Variants in DSCAML1 observed in about 807,000 individuals in gnomAD.
DSCAML1 encodes DS cell adhesion molecule like 1.
A neutral mutation model predicts 200.5 loss-of-function variants in DSCAML1; 38 were observed. That is an observed-to-expected ratio of 0.19 (90% CI 0.15 to 0.25). DSCAML1 has a LOEUF of 0.25. Ranked by LOEUF, DSCAML1 falls within the 10% of genes least tolerant of loss-of-function variation. The pLI is 1.00. For synonymous variants in DSCAML1, 1,215 were observed against 1,165.0 expected (o/e 1.04, Z -0.87); for missense variants, 2,223 against 2,858.8 (o/e 0.78, Z 5.07).
At chr11:117,512,782 CACACACACACACACACA>C (rs1415671853) in intron 8 of DSCAML1, among the ~76,000 whole-genome samples, 2 of 149,272 alleles carry the variant, frequency 1.3e-5, no homozygotes, top group Non-Finnish European at 3.0e-5. Flanking sequence ...CACACACACA[CACACACACACACACACA>C]CACCCCTCCC....
At chr11:117,629,316 C>CA (rs2052121963) in intron 3 of DSCAML1, among the ~76,000 whole-genome samples, 1 of 152,072 alleles carries the variant, frequency 6.6e-6, no homozygotes, top group Admixed American at 6.5e-5. Flanking sequence ...GTGCTGAGAC[C>CA]TGAGTGTCCG....
intron 3 of DSCAML1, among the ~76,000 whole-genome samples, chr11:117,618,365 T>A (rs2051854897): frequency 6.6e-6 from 1 of 152,216 alleles, no homozygotes; most frequent in Non-Finnish European, 1.5e-5. Flanking sequence ...GAGCTTAAAT[T>A]TATTTCCCTG....
chr11:117,551,857 G>A (rs890145477), intron 3 of DSCAML1, among the ~76,000 whole-genome samples: 3 of 152,074 alleles, frequency 2.0e-5, no homozygotes, highest in Non-Finnish European at 4.4e-5. Context: ...TAATATCACC[G>A]AGGTGGTCCA....
At chr11:117,446,225 G>A (rs959539618) in intron 20 of DSCAML1, among the ~76,000 whole-genome samples, 6 of 152,190 alleles carry the variant, frequency 3.9e-5, no homozygotes, top group African/African-American at 9.7e-5. Flanking sequence ...TTAGCCAGGC[G>A]TGGTGGCGCA....
intron 21 of DSCAML1, among the ~76,000 whole-genome samples, chr11:117,441,149 C>T (rs865848236): frequency 5.3e-5 from 8 of 151,652 alleles, no homozygotes; most frequent in African/African-American, 1.5e-4. Flanking sequence ...GGGAAGAGAG[C>T]GGGGAGGGAA....
chr11:117,620,463 A>G (rs2051905782), intron 3 of DSCAML1, among the ~76,000 whole-genome samples: 1 of 152,076 alleles, frequency 6.6e-6, no homozygotes, highest in Non-Finnish European at 1.5e-5. Context: ...CAGCCAACCA[A>G]CTGCTCCACT....
intron 3 of DSCAML1, among the ~76,000 whole-genome samples, chr11:117,653,127 G>C (rs963755742): frequency 3.3e-5 from 5 of 152,066 alleles, no homozygotes; most frequent in African/African-American, 1.2e-4. Flanking sequence ...TGGCTTTGCC[G>C]AGTAGTTTTG....
chr11:117,623,441 C>T (rs2051980265), intron 3 of DSCAML1, among the ~76,000 whole-genome samples: 1 of 152,110 alleles, frequency 6.6e-6, no homozygotes, highest in African/African-American at 2.4e-5. Flanking sequence ...GTCTCGAACT[C>T]CTGACCTTAA....
At chr11:117,579,135 C>T (rs1325952840) in intron 3 of DSCAML1, among the ~76,000 whole-genome samples, 1 of 152,206 alleles carries the variant, frequency 6.6e-6, no homozygotes, top group Non-Finnish European at 1.5e-5. Context: ...ACATCTCCCT[C>T]CTCCCCCACC....
intron 2 of DSCAML1, among the ~76,000 whole-genome samples, chr11:117,778,026 C>T (rs1351180799): frequency 6.6e-6 from 1 of 152,236 alleles, no homozygotes; most frequent in East Asian, 1.9e-4. Flanking sequence ...ACACTTAGGG[C>T]CCTGGCAGCC....
At chr11:117,695,372 G>A (rs1320704752) in intron 3 of DSCAML1, among the ~76,000 whole-genome samples, 1 of 145,258 alleles carries the variant, frequency 6.9e-6, no homozygotes, top group Admixed American at 7.0e-5. Flanking sequence ...AATGAAAAAG[G>A]TGGCCATGAG....
At chr11:117,581,537 A>G (rs1441346334) in intron 3 of DSCAML1, among the ~76,000 whole-genome samples, 1 of 152,156 alleles carries the variant, frequency 6.6e-6, no homozygotes, top group Non-Finnish European at 1.5e-5. Context: ...CACTATATTT[A>G]TGAAATGATA....
intron 3 of DSCAML1, among the ~76,000 whole-genome samples, chr11:117,770,491 C>T (rs899529171): frequency 1.3e-5 from 2 of 152,042 alleles, no homozygotes; most frequent in Non-Finnish European, 2.9e-5. Context: ...GTAATGCCAC[C>T]GATTTGCCAC....
intron 3 of DSCAML1, among the ~76,000 whole-genome samples, chr11:117,760,085 A>C (rs1365417115): frequency 1.3e-5 from 2 of 152,032 alleles, no homozygotes; most frequent in South Asian, 4.2e-4. Flanking sequence ...CCGCACTCCC[A>C]TTCCCCCAGC....
chr11:117,658,146 C>T (rs1239174192), intron 3 of DSCAML1, among the ~76,000 whole-genome samples: 2 of 152,152 alleles, frequency 1.3e-5, no homozygotes, highest in Admixed American at 1.3e-4. Context: ...TTTACAAGCA[C>T]AGGACGGAAT....
chr11:117,585,866 C>A (rs1157371002), intron 3 of DSCAML1, among the ~76,000 whole-genome samples: 4 of 152,186 alleles, frequency 2.6e-5, no homozygotes, highest in Non-Finnish European at 4.4e-5. Context: ...TGAATCGCAC[C>A]TTTCCATGCT....
intron 3 of DSCAML1, among the ~76,000 whole-genome samples, chr11:117,657,989 C>A (rs534691962): frequency 6.6e-6 from 1 of 152,268 alleles, no homozygotes; most frequent in Non-Finnish European, 1.5e-5. Context: ...CATCACCTTA[C>A]GGCACTGGAG....
intron 20 of DSCAML1, among the ~76,000 whole-genome samples, chr11:117,446,248 C>G (rs2048174709): frequency 6.6e-6 from 1 of 152,210 alleles, no homozygotes; most frequent in South Asian, 2.1e-4. Flanking sequence ...CCTATAATCC[C>G]AGTTACTTGG....
chr11:117,566,216 C>T (rs1027909201), intron 3 of DSCAML1, among the ~76,000 whole-genome samples: 2 of 152,166 alleles, frequency 1.3e-5, no homozygotes, highest in African/African-American at 2.4e-5. Context: ...GGTCCTGTGA[C>T]AGAAGTCAGG....
Sources: gnomAD v4.1 joint callset for allele counts (sites outside exome capture counted in the v4.1 genomes callset) on GRCh38, gnomAD v4.1.1 for gene constraint, MANE v1.5 for transcripts, NCBI Gene and HGNC (gene_info 2026-07-23, HGNC 2026-07-21) for gene names.